The following KLF8 variants were observed in gnomAD, a reference collection of about 807,000 sequenced individuals.
KLF8 encodes the protein Krueppel-like factor 8.
In KLF8, 10 loss-of-function variants were observed where a neutral mutation model predicts 18.2. The observed-to-expected ratio is 0.55, with a 90% CI of 0.34 to 0.93. The LOEUF is 0.93. KLF8 is among the 40% of genes least tolerant of loss of function. The probability of loss-of-function intolerance (pLI) is 0.02; values close to 1 mark genes in which losing one functional copy is unlikely to be tolerated. For synonymous variants in KLF8, 109 were observed against 97.3 expected (o/e 1.12, Z -0.71); for missense variants, 264 against 277.9 (o/e 0.95, Z 0.36).
the KLF8 span, among the ~76,000 whole-genome samples, chrX:56,027,622 C>T: frequency 8.9e-6 from 1 of 111,980 alleles, no homozygotes; most frequent in Non-Finnish European, 1.9e-5. Context: ...ATAACATTAT[C>T]CAAGGTTACC....
At chrX:56,005,044 T>C in the KLF8 span, among the ~76,000 whole-genome samples, 1 of 107,786 alleles carries the variant, frequency 9.3e-6, no homozygotes, top group Non-Finnish European at 1.9e-5. Context: ...TTATTATTAT[T>C]ATTATTATTA....
chrX:56,078,969 C>T, the KLF8 span, among the ~76,000 whole-genome samples: 13,819 of 103,650 alleles, frequency 0.13, 1,600 homozygotes, highest in African/African-American at 0.37. Flanking sequence ...GTTTGTATTT[C>T]TGTGGGATCG....
the KLF8 span, among the ~76,000 whole-genome samples, chrX:56,220,494 C>CT: frequency 4.1e-4 from 45 of 109,244 alleles, no homozygotes; most frequent in Middle Eastern, 9.3e-3. Context: ...CTTTCCTTTT[C>CT]TTTTTTTTTG....
At chrX:56,012,187 T>C in the KLF8 span, among the ~76,000 whole-genome samples, 1 of 112,050 alleles carries the variant, frequency 8.9e-6, no homozygotes, top group African/African-American at 3.2e-5. Context: ...TGCTGAATAT[T>C]GATGCCAAAA....
chrX:56,134,235 C>T, the KLF8 span, among the ~76,000 whole-genome samples: 10 of 111,315 alleles, frequency 9.0e-5, no homozygotes, highest in East Asian at 1.4e-3. Context: ...AAGAAAAAAT[C>T]TGGAGGCATC....
upstream of KLF8, among the ~76,000 whole-genome samples, chrX:56,229,040 T>G (rs1306929443): frequency 9.0e-6 from 1 of 110,779 alleles, no homozygotes; most frequent in Non-Finnish European, 1.9e-5. Context: ...CCCACCTTCC[T>G]GTCAGGCCCA....
the KLF8 span, among the ~76,000 whole-genome samples, chrX:56,111,748 C>T: frequency 1.8e-5 from 2 of 112,065 alleles, no homozygotes; most frequent in African/African-American, 6.5e-5. Flanking sequence ...TCATCACTCG[C>T]CATTAGAGAA....
chrX:56,053,546 T>TTTTTG, the KLF8 span, among the ~76,000 whole-genome samples: 3 of 76,612 alleles, frequency 3.9e-5, no homozygotes, highest in African/African-American at 4.1e-4. Context: ...TTTTCTTTGT[T>TTTTTG]TTTTTTTTTT....
chrX:55,972,390 G>A, the KLF8 span, among the ~76,000 whole-genome samples: 1 of 110,803 alleles, frequency 9.0e-6, no homozygotes, highest in Non-Finnish European at 1.9e-5. Flanking sequence ...AAGCTTGAAA[G>A]GGTAGTGGGG....
the KLF8 span, among the ~76,000 whole-genome samples, chrX:56,021,584 T>C: frequency 9.1e-6 from 1 of 109,494 alleles, no homozygotes; most frequent in Non-Finnish European, 1.9e-5. Flanking sequence ...ACTGACCCGC[T>C]CTTTTTTTTT....
At chrX:56,068,850 C>A in the KLF8 span, among the ~76,000 whole-genome samples, 2 of 111,991 alleles carry the variant, frequency 1.8e-5, no homozygotes, top group Admixed American at 9.4e-5. Flanking sequence ...TGCCTGCCCC[C>A]ACCACTGATA....
chrX:56,003,269 G>C, the KLF8 span, among the ~76,000 whole-genome samples: 1 of 110,345 alleles, frequency 9.1e-6, no homozygotes, highest in African/African-American at 3.3e-5. Context: ...AAAAAACTGG[G>C]CATCGTGGTG....
the KLF8 span, among the ~76,000 whole-genome samples, chrX:56,057,968 G>T: frequency 1.8e-4 from 19 of 106,169 alleles, no homozygotes; most frequent in African/African-American, 6.2e-4. Flanking sequence ...AGAACAGGTT[G>T]CTTTTTTACC....
At chrX:56,064,261 T>C in the KLF8 span, among the ~76,000 whole-genome samples, 1 of 109,422 alleles carries the variant, frequency 9.1e-6, no homozygotes, top group South Asian at 3.9e-4. Flanking sequence ...CTGAATTTAT[T>C]ATTTTATTAT....
chrX:56,107,131 G>A, the KLF8 span, among the ~76,000 whole-genome samples: 8 of 111,390 alleles, frequency 7.2e-5, no homozygotes, highest in South Asian at 3.8e-4. Flanking sequence ...GGTGTCTTTC[G>A]GCTCCTACTG....
chrX:56,092,457 A>AT, the KLF8 span, among the ~76,000 whole-genome samples: 2 of 110,786 alleles, frequency 1.8e-5, no homozygotes. Context: ...CTTTGGGTTG[A>AT]TTTTTGTGTA....
chrX:56,199,320 A>G, the KLF8 span, among the ~76,000 whole-genome samples: 1 of 111,966 alleles, frequency 8.9e-6, no homozygotes, highest in Non-Finnish European at 1.9e-5. Context: ...GGATGTGAGA[A>G]GGTTTTTGCA....
At chrX:56,028,398 C>A in the KLF8 span, among the ~76,000 whole-genome samples, 4 of 111,691 alleles carry the variant, frequency 3.6e-5, no homozygotes, top group Admixed American at 3.8e-4. Flanking sequence ...TGCAGATGAC[C>A]TGCTTTCTTT....
chrX:55,957,633 T>C, the KLF8 span, among the ~76,000 whole-genome samples: 9 of 112,218 alleles, frequency 8.0e-5, no homozygotes, highest in African/African-American at 2.9e-4. Flanking sequence ...TCCTTAAGTA[T>C]TTTATTATTG....
Sources: allele counts gnomAD v4.1 joint callset (sites outside exome capture counted in the v4.1 genomes callset), GRCh38; gene constraint gnomAD v4.1.1; transcripts MANE v1.5; gene names NCBI Gene and HGNC (gene_info 2026-07-23, HGNC 2026-07-21).